The following SCML2 variants were observed in gnomAD, a reference collection of about 807,000 sequenced individuals.
SCML2 encodes the protein Scm polycomb group protein like 2.
Under a neutral mutation model 48.4 loss-of-function variants are expected in SCML2, and 6 were observed. The observed-to-expected ratio is 0.12, with a 90% CI of 0.07 to 0.24. SCML2 has a LOEUF of 0.24. Ranked by LOEUF, SCML2 falls within the 10% of genes least tolerant of loss-of-function variation. The probability of loss-of-function intolerance (pLI) is 1.00; values close to 1 mark genes in which losing one functional copy is unlikely to be tolerated. For synonymous variants in SCML2, 181 were observed against 189.5 expected (o/e 0.95, Z 0.37); for missense variants, 377 against 528.2 (o/e 0.71, Z 2.81).
At chrX:18,349,238 T>G (rs191547115) in intron 1 of SCML2, among the ~76,000 whole-genome samples, 1 of 112,164 alleles carries the variant, frequency 8.9e-6, no homozygotes, top group Admixed American at 9.5e-5. Flanking sequence ...TAAAACAATT[T>G]GCTCCTATAA....
At chrX:18,252,347 A>G (rs1444120120) in intron 11 of SCML2, among the ~76,000 whole-genome samples, 1 of 112,840 alleles carries the variant, frequency 8.9e-6, no homozygotes, top group Non-Finnish European at 1.9e-5. Flanking sequence ...GTTGCATATT[A>G]TATGATTCTA....
chrX:18,316,256 G>A (rs1353359965), intron 6 of SCML2, among the ~76,000 whole-genome samples: 1 of 111,666 alleles, frequency 9.0e-6, no homozygotes, highest in Non-Finnish European at 1.9e-5. Flanking sequence ...GGGTGTGGTG[G>A]CACATGCCTG....
chrX:18,296,013 T>C (rs1259955593), intron 7 of SCML2, among the ~76,000 whole-genome samples: 1 of 111,603 alleles, frequency 9.0e-6, no homozygotes, highest in Non-Finnish European at 1.9e-5. Context: ...CGGCAACTAT[T>C]ATGCTAGATG....
chrX:18,322,116 CAAAT>C (rs1365393617), intron 5 of SCML2, among the ~76,000 whole-genome samples: 1 of 111,651 alleles, frequency 9.0e-6, no homozygotes, highest in East Asian at 2.8e-4. Context: ...AAAGTTTAAA[CAAAT>C]AAATCTTTTT....
chrX:18,293,821 G>A (rs936143306), intron 7 of SCML2, among the ~76,000 whole-genome samples: 10 of 112,166 alleles, frequency 8.9e-5, no homozygotes, highest in African/African-American at 1.6e-4. Context: ...CAGCAATAAT[G>A]GAAACCAAAA....
At chrX:18,248,604 T>C (rs1363899272) in intron 11 of SCML2, among the ~76,000 whole-genome samples, 1 of 112,294 alleles carries the variant, frequency 8.9e-6, no homozygotes, top group Non-Finnish European at 1.9e-5. Context: ...CAAAATCTTA[T>C]GATGAGCAAC....
chrX:18,274,356 G>A (rs936882210), intron 7 of SCML2, among the ~76,000 whole-genome samples: 14 of 111,788 alleles, frequency 1.3e-4, no homozygotes, highest in South Asian at 7.5e-4. Flanking sequence ...TGCCCCTGCC[G>A]GCACCAAAGC....
rs1407630192 is a variant in SCML2 at position 18,241,094 on chromosome X, A to G, written c.*157T>C. 2.4e-5 allele frequency: 10 copies of G among 419,535 alleles called. No individual in the cohort carries two copies. Among genetic ancestry groups the G allele is most frequent in the Admixed American group, 5.9e-5 (1 of 16,970 alleles). 34.6% of individuals were successfully genotyped at this position (419,535 alleles called of 1,213,427 possible). A position where few individuals can be genotyped will look rare whatever the true frequency, so the allele number is the denominator to read the frequency against. On this transcript the variant is annotated 3_prime_UTR_variant, in exon 15 of 15. Coordinates refer to ENST00000251900, the MANE Select transcript of SCML2 (RefSeq NM_006089.3). ...GCTGGTTGGTGACTCCAGGAAAAAA[A>G]CAAAGTTGACTGAACTGTTACTACA...
intron 13 of SCML2, among the ~76,000 whole-genome samples, chrX:18,243,800 G>A (rs887722092): frequency 3.6e-5 from 4 of 111,781 alleles, no homozygotes; most frequent in Non-Finnish European, 7.5e-5. Context: ...TACTCAACCA[G>A]AGCCCTTAAC....
intron 6 of SCML2, among the ~76,000 whole-genome samples, chrX:18,314,778 A>G (rs150380719): frequency 0.017 from 1,870 of 111,789 alleles, 19 homozygotes; most frequent in Non-Finnish European, 0.028. Flanking sequence ...AGATTGGGAT[A>G]TATACAATGC....
chrX:18,305,525 A>G (rs1928728995), intron 6 of SCML2, among the ~76,000 whole-genome samples: 1 of 111,733 alleles, frequency 8.9e-6, no homozygotes, highest in Admixed American at 9.6e-5. Flanking sequence ...ATGAACAAAT[A>G]TATCAAACAT....
In SCML2 at chrX:18,305,018, C is replaced by T; in HGVS notation, c.684G>A (p.Gly228=). ...ATACATCTCCTGTCAGGCGACACCA[C>T]CCAGCTGGGAAAATATCTCGAGAAT... ...KYDSRDIFPA[G]WCRLTGDVLQ... The change falls in exon 7 of 15, where the codon GGG becomes GGA. Residue 228 remains glycine (G), a synonymous_variant. Coordinates refer to ENST00000251900, the MANE Select transcript of SCML2 (RefSeq NM_006089.3). The T allele has an allele frequency of 8.3e-7, 1 of 1,211,254 alleles. No individual in the cohort carries two copies. Among genetic ancestry groups the T allele is most frequent in the Non-Finnish European group, 1.1e-6 (1 of 895,190 alleles).
intron 8 of SCML2, among the ~76,000 whole-genome samples, chrX:18,264,431 TTGTGTGTGTG>T (rs149069692): frequency 0.022 from 1,862 of 83,866 alleles, 14 homozygotes; most frequent in African/African-American, 0.04. Context: ...ATCAGTACGA[TTGTGTGTGTG>T]TGTGTGTGTG....
chrX:18,257,128 G>C, intron 10 of SCML2, 98 bp from the exon 11 acceptor site: 2 of 516,180 alleles, frequency 3.9e-6, no homozygotes, highest in Non-Finnish European at 2.9e-6. Flanking sequence ...GGTATTATAA[G>C]TCTAATTTGT....
chrX:18,270,322 C>T (rs892353203), intron 7 of SCML2, among the ~76,000 whole-genome samples: 3 of 111,209 alleles, frequency 2.7e-5, no homozygotes, highest in African/African-American at 6.5e-5. Flanking sequence ...CCACCGCGCC[C>T]GGCCAAAAAT....
At chrX:18,265,850 G>T in intron 7 of SCML2, 48 bp from the exon 8 acceptor site, 1 of 939,824 alleles carries the variant, frequency 1.1e-6, no homozygotes, top group Non-Finnish European at 1.5e-6. Context: ...CACAATTAAG[G>T]CATTGTCTCC....
chrX:18,324,835 T>C (rs1929428913), intron 4 of SCML2, 72 bp downstream of exon 4: 1 of 789,659 alleles, frequency 1.3e-6, no homozygotes, highest in Non-Finnish European at 1.9e-6. Context: ...TACCAGAATC[T>C]AACAATCACA....
At chrX:18,288,055 AACTT>A (rs1447908438) in intron 7 of SCML2, among the ~76,000 whole-genome samples, 1 of 111,879 alleles carries the variant, frequency 8.9e-6, no homozygotes, top group Non-Finnish European at 1.9e-5. Flanking sequence ...AAAAAGAAGC[AACTT>A]CAGTTGTTTT....
At chrX:18,315,324 T>C (rs1055406336) in intron 6 of SCML2, among the ~76,000 whole-genome samples, 2 of 110,833 alleles carry the variant, frequency 1.8e-5, no homozygotes, top group Admixed American at 9.7e-5. Context: ...CATCCCTAAA[T>C]TTGATCACAC....
Sources: gnomAD v4.1 joint callset for allele counts (sites outside exome capture counted in the v4.1 genomes callset) on GRCh38, gnomAD v4.1.1 for gene constraint, MANE v1.5 for transcripts, NCBI Gene and HGNC (gene_info 2026-07-23, HGNC 2026-07-21) for gene names.